ATF6: variants seen among roughly 807,000 people sequenced by gnomAD.
ATF6 encodes activating transcription factor 6.
In ATF6, 53 loss-of-function variants were observed where a neutral mutation model predicts 83.6. The observed-to-expected ratio is 0.63, with a 90% CI of 0.51 to 0.80. The LOEUF (loss-of-function observed/expected upper bound fraction) is 0.80. Ranked by LOEUF, ATF6 falls within the 30% of genes least tolerant of loss-of-function variation. The pLI is 0.00. For synonymous variants in ATF6, 288 were observed against 285.8 expected, an observed-to-expected ratio of 1.01 and a Z score of -0.08; for missense variants, 744 against 797.9, an observed-to-expected ratio of 0.93 and a Z score of 0.81.
intron 4 of ATF6, among the ~76,000 whole-genome samples, chr1:161,787,854 AT>A (rs1684778821): frequency 6.6e-6 from 1 of 152,182 alleles, no homozygotes; most frequent in South Asian, 2.1e-4. Context: ...TGTATTTTAA[AT>A]TTATGTAAAT....
chr1:161,798,435 A>C (rs1185553693), intron 6 of ATF6, among the ~76,000 whole-genome samples: 1 of 152,160 alleles, frequency 6.6e-6, no homozygotes, highest in Non-Finnish European at 1.5e-5. Context: ...AATATGGTGA[A>C]ACCCCATCTC....
Position 161,850,294 on chromosome 1 carries a change from C to T in ATF6, c.1320-1428C>T, listed in dbSNP as rs192013531. Among the ~76,000 whole-genome samples, 528 of 152,134 alleles carry T rather than the reference C, an allele frequency of 3.5e-3. 3 individuals carry two copies. The highest frequency in any genetic ancestry group is 3.9e-3 in the Non-Finnish European group (263 of 68,006). ...CTCATCCTGTTCCCTCTCTACCTCC[C>T]CACTTGCTTGCAACTCTTCAGCCAG... On this transcript the variant is annotated intron_variant, in intron 10 of 15. Transcript: ENST00000367942.
intron 1 of ATF6, among the ~76,000 whole-genome samples, chr1:161,775,080 A>G (rs531310725): frequency 2.0e-5 from 3 of 152,360 alleles, no homozygotes; most frequent in African/African-American, 7.2e-5. Context: ...TAAAAAGAAC[A>G]AAGGCCCCAA....
At chr1:161,766,637 T>G (rs547604120) in intron 1 of ATF6, among the ~76,000 whole-genome samples, 195 bp downstream of exon 1, 1 of 151,694 alleles carries the variant, frequency 6.6e-6, no homozygotes, top group Admixed American at 6.6e-5. Flanking sequence ...ACAGGGAGAG[T>G]AGAATATTGT....
chr1:161,778,438 T>C (rs2101723598), intron 2 of ATF6, 118 bp downstream of exon 2: 1 of 695,044 alleles, frequency 1.4e-6, no homozygotes, highest in African/African-American at 1.8e-5. Context: ...TAATGGTAAA[T>C]AGCTTCTACC....
chr1:161,812,366 A>ATTTTTT (rs76880363), intron 7 of ATF6, among the ~76,000 whole-genome samples: 1 of 37,536 alleles, frequency 2.7e-5, no homozygotes, highest in African/African-American at 8.6e-5. Context: ...GGGAGCAGGT[A>ATTTTTT]TTTTCTTTTT....
Position 161,958,712 on chromosome 1 carries a change from T to G in ATF6, c.*58T>G. ...GGACCCTGCCAGACTGAAGAGCAGGTGAGCAAAATGCTGCTTTCTGCCTTG... is the reference window on the plus strand; with the variant it reads ...GGACCCTGCCAGACTGAAGAGCAGGGGAGCAAAATGCTGCTTTCTGCCTTG... On this transcript the variant is annotated 3_prime_UTR_variant, in exon 16 of 16. Transcript: ENST00000367942. The G allele has an allele frequency of 7.0e-7, 1 of 1,425,774 alleles. No homozygotes were observed. Among genetic ancestry groups the G allele is most frequent in the Non-Finnish European group, 9.5e-7 (1 of 1,055,468 alleles). 88.3% of individuals were successfully genotyped at this position (1,425,774 alleles called of 1,614,324 possible).
At chr1:161,882,697 G>A (rs1485768920) in intron 14 of ATF6, among the ~76,000 whole-genome samples, 1 of 148,144 alleles carries the variant, frequency 6.8e-6, no homozygotes, top group Admixed American at 7.0e-5. Flanking sequence ...GTTTTAGTGG[G>A]GGTCGATACA....
intron 14 of ATF6, among the ~76,000 whole-genome samples, chr1:161,885,890 T>A (rs1174003197): frequency 6.6e-6 from 1 of 152,204 alleles, no homozygotes; most frequent in African/African-American, 2.4e-5. Flanking sequence ...TCCTGCAGAA[T>A]ACTGAGATTA....
chr1:161,957,316 C>T (rs1341539622), intron 15 of ATF6, among the ~76,000 whole-genome samples: 7 of 152,002 alleles, frequency 4.6e-5, no homozygotes, highest in South Asian at 4.2e-4. Flanking sequence ...AGGTTGTTGC[C>T]GGCAGTTCTT....
chr1:161,923,485 C>T (rs1209121458), intron 15 of ATF6, among the ~76,000 whole-genome samples: 1 of 152,140 alleles, frequency 6.6e-6, no homozygotes, highest in Admixed American at 6.5e-5. Context: ...AGCAGAGCCT[C>T]TTCTGAACTC....
chr1:161,847,776 C>T (rs773204198), intron 10 of ATF6, among the ~76,000 whole-genome samples: 1 of 151,952 alleles, frequency 6.6e-6, no homozygotes, highest in Non-Finnish European at 1.5e-5. Flanking sequence ...AATCTAATAG[C>T]CTTTGGATTT....
chr1:161,854,104 A>G (rs1557996869), intron 12 of ATF6, among the ~76,000 whole-genome samples: 1 of 152,224 alleles, frequency 6.6e-6, no homozygotes, highest in Non-Finnish European at 1.5e-5. Context: ...TTGAGAAATG[A>G]GTGACTAGAC....
intron 7 of ATF6, among the ~76,000 whole-genome samples, chr1:161,803,736 T>C (rs191414942): frequency 1.4e-4 from 22 of 152,210 alleles, no homozygotes; most frequent in Non-Finnish European, 2.6e-4. Context: ...ATATTTTCAA[T>C]TAAAAAGTTG....
chr1:161,778,912 T>C (rs1168760760), intron 2 of ATF6, among the ~76,000 whole-genome samples: 1 of 152,192 alleles, frequency 6.6e-6, no homozygotes, highest in Admixed American at 6.5e-5. Flanking sequence ...TATTCTTTAA[T>C]GGATGAGGTG....
chr1:161,809,868 G>T (rs1037449421), intron 7 of ATF6, among the ~76,000 whole-genome samples: 3 of 151,956 alleles, frequency 2.0e-5, no homozygotes, highest in East Asian at 3.8e-4. Flanking sequence ...CATATCTTTC[G>T]CCCACTTTTT....
intron 9 of ATF6, among the ~76,000 whole-genome samples, chr1:161,833,005 C>A (rs1430928158): frequency 6.6e-6 from 1 of 152,210 alleles, no homozygotes; most frequent in Non-Finnish European, 1.5e-5. Flanking sequence ...AGGCACCCCC[C>A]AGTAGGGGCG....
intron 7 of ATF6, among the ~76,000 whole-genome samples, chr1:161,811,179 G>C (rs368120574): frequency 6.6e-5 from 10 of 152,304 alleles, no homozygotes; most frequent in Admixed American, 2.0e-4. Flanking sequence ...TATACGAATA[G>C]ATAATTCACG....
intron 2 of ATF6, 133 bp downstream of exon 2, chr1:161,778,453 A>C: frequency 1.5e-6 from 1 of 650,040 alleles, no homozygotes; most frequent in Non-Finnish European, 2.6e-6. Flanking sequence ...TCTACCATTA[A>C]GTATGAAAGT....
Sources: allele counts gnomAD v4.1 joint callset (sites outside exome capture counted in the v4.1 genomes callset), GRCh38; gene constraint gnomAD v4.1.1; transcripts MANE v1.5; gene names NCBI Gene and HGNC (gene_info 2026-07-23, HGNC 2026-07-21).